SETBP1: variants seen among roughly 807,000 people sequenced by gnomAD.
The protein encoded by SETBP1 is SET binding protein 1, also known as SET-binding protein.
A neutral mutation model predicts 101.0 loss-of-function variants in SETBP1; 9 were observed. The observed-to-expected ratio is 0.09, with a 90% CI of 0.05 to 0.16. SETBP1 has a LOEUF of 0.16. Ranked by LOEUF, SETBP1 falls within the 10% of genes least tolerant of loss-of-function variation. The probability of loss-of-function intolerance (pLI) is 1.00; values close to 1 mark genes in which losing one functional copy is unlikely to be tolerated. For synonymous variants in SETBP1, 818 were observed against 788.5 expected (o/e 1.04, Z -0.63); for missense variants, 1,858 against 2,033.8 (o/e 0.91, Z 1.66).
At chr18:44,953,650 A>G (rs189032118) in intron 4 of SETBP1, among the ~76,000 whole-genome samples, 89 of 152,302 alleles carry the variant, frequency 5.8e-4, no homozygotes, top group African/African-American at 2.1e-3. Context: ...TTAGGTCCTC[A>G]TCTGATCTAA....
intron 4 of SETBP1, among the ~76,000 whole-genome samples, chr18:44,967,492 C>T (rs750166590): frequency 9.9e-5 from 15 of 152,140 alleles, no homozygotes; most frequent in Non-Finnish European, 1.6e-4. Context: ...ACAATGCAAA[C>T]GTGTTATTTC....
chr18:44,782,515 T>G (rs1391455063), intron 2 of SETBP1, among the ~76,000 whole-genome samples: 1 of 151,974 alleles, frequency 6.6e-6, no homozygotes, highest in Non-Finnish European at 1.5e-5. Flanking sequence ...CTGTCAAGAG[T>G]GCTCCAGCAA....
chr18:44,827,165 T>G (rs571549275), intron 2 of SETBP1, among the ~76,000 whole-genome samples: 3 of 152,082 alleles, frequency 2.0e-5, no homozygotes, highest in Non-Finnish European at 4.4e-5. Context: ...AAGAAACTTG[T>G]AAAAAAATGC....
chr18:44,832,314 G>A (rs528976612), intron 2 of SETBP1, among the ~76,000 whole-genome samples: 1 of 152,314 alleles, frequency 6.6e-6, no homozygotes, highest in South Asian at 2.1e-4. Context: ...GTAGCATGCA[G>A]CATCCCAGGC....
chr18:44,766,800 T>A (rs780139419), intron 2 of SETBP1, among the ~76,000 whole-genome samples: 1 of 152,150 alleles, frequency 6.6e-6, no homozygotes, highest in Non-Finnish European at 1.5e-5. Flanking sequence ...AGCAAGACCC[T>A]GTCTCTGAAA....
chr18:44,950,843 C>T lies in SETBP1; in HGVS notation c.1503C>T (p.Pro501=), dbSNP rs374300895. The T allele has an allele frequency of 8.1e-6, 13 of 1,614,100 alleles. No homozygotes were observed. The African/African-American group carries it at 1.1e-4, about 13-fold the overall frequency. ...PGGVSKPRKP[P]MVMTPPTCTD... is the part of the protein sequence containing the mutation. The stretch of plus-strand genomic sequence containing the variant: ...GTGTGTCTAAGCCGCGGAAGCCACC[C>T]ATGGTCATGACACCTCCAACGTGCA... The change falls in exon 4 of 6, where the codon CCC becomes CCT. Residue 501 remains proline (P), a synonymous_variant. Coordinates refer to ENST00000649279, the MANE Select transcript of SETBP1 (RefSeq NM_015559.3).
chr18:44,895,961 G>A (rs116700392), intron 3 of SETBP1, among the ~76,000 whole-genome samples: 3 of 152,010 alleles, frequency 2.0e-5, no homozygotes, highest in Admixed American at 1.3e-4. Flanking sequence ...CCCCATGCCC[G>A]CATGCTCACC....
At chr18:44,684,178 A>G (rs904295127) in intron 1 of SETBP1, among the ~76,000 whole-genome samples, 1 of 152,052 alleles carries the variant, frequency 6.6e-6, no homozygotes, top group African/African-American at 2.4e-5. Context: ...ATATGTTGAA[A>G]CCTAGTGAGT....
chr18:44,912,968 A>C lies in SETBP1; in HGVS notation c.541-36913A>C, dbSNP rs1424312502. ...CCTCTCTTCAGTGTCAGCAACCACA[A>C]ACCAAAAAGTTCCCTCCCTCCAGCT... On this transcript the variant is annotated intron_variant, in intron 3 of 5. Transcript: ENST00000649279. Among the ~76,000 whole-genome samples the C allele has an allele frequency of 3.3e-5, 5 of 152,138 alleles. No homozygotes were observed. The East Asian group carries it at 9.6e-4, about 29-fold the overall frequency.
chr18:44,757,906 A>C (rs1244604476), intron 2 of SETBP1, among the ~76,000 whole-genome samples: 1 of 152,228 alleles, frequency 6.6e-6, no homozygotes, highest in Non-Finnish European at 1.5e-5. Flanking sequence ...ATAATGAGGA[A>C]AGTCTAAGTC....
At chr18:45,025,417 G>T (rs1375577642) in intron 4 of SETBP1, among the ~76,000 whole-genome samples, 1 of 152,158 alleles carries the variant, frequency 6.6e-6, no homozygotes, top group Non-Finnish European at 1.5e-5. Flanking sequence ...AGATTTCAAA[G>T]ACATCATCAT....
chr18:44,916,098 C>T (rs1384348066), intron 3 of SETBP1, among the ~76,000 whole-genome samples: 3 of 152,030 alleles, frequency 2.0e-5, no homozygotes, highest in Non-Finnish European at 4.4e-5. Context: ...TGGTGGTACG[C>T]GCCTGTAGTC....
chr18:44,716,325 A>G (rs1428632210), intron 2 of SETBP1, among the ~76,000 whole-genome samples: 1 of 151,918 alleles, frequency 6.6e-6, no homozygotes, highest in African/African-American at 2.4e-5. Flanking sequence ...GCAGGAGGAG[A>G]AAAACAAAAC....
At chr18:44,876,504 G>T (rs1389345126) in intron 3 of SETBP1, 2 of 1,205,398 alleles carry the variant, frequency 1.7e-6, no homozygotes, top group Non-Finnish European at 2.4e-6. Context: ...TCTGGGTGGG[G>T]TCTGGATATT....
rs761413772 is a variant in SETBP1 at position 44,701,779 on chromosome 18, G to A, written c.433G>A (p.Gly145Arg). ...TGGGGACCAGAAGGTGTCCCGTGCTGGAAAAAATAGCAAAGCCACGAAGGA... is the reference window on the plus strand; with the variant it reads ...TGGGGACCAGAAGGTGTCCCGTGCTAGAAAAAATAGCAAAGCCACGAAGGA... ...QSGDQKVSRAGKNSKATKEEE... is the reference protein window; with the variant it reads ...QSGDQKVSRARKNSKATKEEE... Residue 145 changes from glycine (G) to arginine (R), a missense_variant, in exon 2 of 6, where the codon GGA becomes AGA. This residue lies in a region of SETBP1 where 581 missense variants were observed against 535.1 expected (regional missense o/e 1.09). Transcript: ENST00000649279. The A allele has an allele frequency of 4.9e-5, 79 of 1,613,384 alleles. No homozygotes were observed. The highest frequency in any genetic ancestry group is 6.4e-5 in the Non-Finnish European group (75 of 1,179,846).
chr18:45,059,627 G>C (rs1248688014), intron 5 of SETBP1, among the ~76,000 whole-genome samples: 1 of 152,158 alleles, frequency 6.6e-6, no homozygotes, highest in East Asian at 1.9e-4. Context: ...TTCTAGATCT[G>C]TGCTGCCCCA....
At chr18:44,747,107 G>A (rs886886152) in intron 2 of SETBP1, among the ~76,000 whole-genome samples, 5 of 152,186 alleles carry the variant, frequency 3.3e-5, no homozygotes, top group Non-Finnish European at 7.3e-5. Flanking sequence ...TGTGAATGGA[G>A]GTTCCTGGTG....
chr18:44,707,641 C>A (rs2069250597), intron 2 of SETBP1, among the ~76,000 whole-genome samples: 1 of 152,186 alleles, frequency 6.6e-6, no homozygotes, highest in Non-Finnish European at 1.5e-5. Context: ...CCAAATAAAT[C>A]ATGCACTTAT....
chr18:45,035,004 C>A (rs887748024), intron 4 of SETBP1, among the ~76,000 whole-genome samples: 4 of 150,918 alleles, frequency 2.7e-5, no homozygotes, highest in Non-Finnish European at 5.9e-5. Flanking sequence ...ATGCCCCCCC[C>A]GCCCCCAACT....
Sources: allele counts gnomAD v4.1 joint callset (sites outside exome capture counted in the v4.1 genomes callset), GRCh38; gene constraint gnomAD v4.1.1; regional missense constraint gnomAD v4.1.1; transcripts MANE v1.5; gene names NCBI Gene and HGNC (gene_info 2026-07-23, HGNC 2026-07-21).